Variants in SLCO3A1 observed in about 807,000 individuals in gnomAD.
SLCO3A1 encodes PGE1 transporter.
A neutral mutation model predicts 63.1 loss-of-function variants in SLCO3A1; 27 were observed. The ratio of observed to expected loss-of-function variants is 0.43; its 90% CI spans 0.32 to 0.59. The LOEUF is 0.59. Ranked by LOEUF, SLCO3A1 falls within the 20% of genes least tolerant of loss-of-function variation. The pLI, the probability that SLCO3A1 is intolerant of heterozygous loss-of-function variation, is 0.09. For missense variants in SLCO3A1, 773 were observed against 945.8 expected (o/e 0.82, Z 2.40); for synonymous variants, 473 against 409.9 (o/e 1.15, Z -1.86).
At chr15:92,065,603 T>G (rs1367808312) in intron 2 of SLCO3A1, among the ~76,000 whole-genome samples, 2 of 152,182 alleles carry the variant, frequency 1.3e-5, no homozygotes, top group African/African-American at 2.4e-5. Flanking sequence ...TTGCCATAAC[T>G]GTATGGCCGC....
At chr15:91,979,523 T>A (rs56168257) in intron 2 of SLCO3A1, among the ~76,000 whole-genome samples, 9,097 of 152,274 alleles carry the variant, frequency 0.06, 399 homozygotes, top group Non-Finnish European at 0.091. Flanking sequence ...AGCAGAACCT[T>A]TCTTCTTTCT....
intron 1 of SLCO3A1, among the ~76,000 whole-genome samples, chr15:91,877,065 T>C (rs1897418092): frequency 6.6e-6 from 1 of 152,208 alleles, no homozygotes; most frequent in African/African-American, 2.4e-5. Flanking sequence ...CTGAAGTCAT[T>C]CTCTATTATG....
chr15:92,078,823 T>A (rs1235387056), intron 2 of SLCO3A1, among the ~76,000 whole-genome samples: 2 of 152,188 alleles, frequency 1.3e-5, no homozygotes, highest in African/African-American at 4.8e-5. Context: ...GTGCTAGAAC[T>A]CAGCCCTCAG....
At chr15:91,919,488 C>T (rs771753774) in intron 2 of SLCO3A1, among the ~76,000 whole-genome samples, 10 of 152,222 alleles carry the variant, frequency 6.6e-5, no homozygotes, top group Non-Finnish European at 1.3e-4. Context: ...GACGGTGACC[C>T]GTGGGTGGCA....
chr15:91,950,514 C>T lies in SLCO3A1; in HGVS notation c.646+34056C>T, dbSNP rs1597149580. Reference sequence around the variant, plus strand: ...CGTTGTGCAGTATGGCAGGCGCACCCCACATGGGTGTGTGATCCTTTGTTT... The same window carrying T: ...CGTTGTGCAGTATGGCAGGCGCACCTCACATGGGTGTGTGATCCTTTGTTT... On this transcript the variant is annotated intron_variant, in intron 2 of 9. Transcript: ENST00000318445. The surrounding 1 kb of genome is among the most constrained non-coding windows in gnomAD (Gnocchi z 4.4). Among the ~76,000 whole-genome samples, 2 of 152,236 alleles carry T rather than the reference C, an allele frequency of 1.3e-5. No individual in the cohort carries two copies. The highest frequency in any genetic ancestry group is 1.9e-4 in the East Asian group (1 of 5,200).
intron 2 of SLCO3A1, among the ~76,000 whole-genome samples, chr15:91,946,845 C>T (rs148634657): frequency 1.1e-3 from 175 of 152,304 alleles, no homozygotes; most frequent in African/African-American, 4.0e-3. Flanking sequence ...AAGGGCAGGT[C>T]GGCGTCCTTC....
In SLCO3A1 at chr15:92,017,704, G is replaced by A. The variant is rs2046454743; in HGVS notation, c.647-77177G>A. On this transcript the variant is annotated intron_variant, in intron 2 of 9. Transcript: ENST00000318445. ...GAGAAATTCTGGAATGATTCTTGTG[G>A]AGGATTGGCTCAGGAGTTCACAGGG... Among the ~76,000 whole-genome samples the A allele has an allele frequency of 2.0e-5, 3 of 152,240 alleles. No individual in the cohort carries two copies. In the South Asian group the frequency reaches 6.2e-4, roughly 32 times the overall value.
At chr15:92,129,511 C>T (rs1443971153) in intron 7 of SLCO3A1, among the ~76,000 whole-genome samples, 3 of 152,184 alleles carry the variant, frequency 2.0e-5, no homozygotes, top group African/African-American at 7.2e-5. Flanking sequence ...TTCGGTGCCT[C>T]TTTCTCCTAA....
Position 91,859,159 on chromosome 15 carries a change from T to C in SLCO3A1, c.180+5071T>C, listed in dbSNP as rs997802794. Among the ~76,000 whole-genome samples, 8 of 152,208 alleles carry C rather than the reference T, an allele frequency of 5.3e-5. No homozygotes were observed. The highest frequency in any genetic ancestry group is 3.3e-4 in the Admixed American group (5 of 15,286). On this transcript the variant is annotated intron_variant, in intron 1 of 9. Transcript: ENST00000318445. The surrounding 1 kb of genome is among the most constrained non-coding windows in gnomAD (Gnocchi z 5.1). ...TATTGTATGCCATACTTTTTGAAGG[T>C]GCGAAGGGACATTTCAATGGTAACT...
intron 1 of SLCO3A1, among the ~76,000 whole-genome samples, chr15:91,857,701 G>A (rs1046070988): frequency 4.6e-5 from 7 of 152,134 alleles, no homozygotes; most frequent in African/African-American, 1.4e-4. Flanking sequence ...TAAGCCACTC[G>A]CTGAGGGTAG....
chr15:92,172,403 G>GA (rs1006174589), exon 11 of SLCO3A1: 7 of 152,260 alleles, frequency 4.6e-5, no homozygotes, highest in South Asian at 2.1e-4. Context: ...TACGTTTGCT[G>GA]AAAATTATAT....
chr15:92,034,161 A>G lies in SLCO3A1; in HGVS notation c.647-60720A>G, dbSNP rs149539131. Among the ~76,000 whole-genome samples, 5 of 151,722 alleles carry G rather than the reference A, an allele frequency of 3.3e-5. No individual in the cohort carries two copies. The East Asian group carries it at 9.7e-4, about 29-fold the overall frequency. ...GAGGAGGAAAGTGGGGGCTGTATGC[A>G]GGGATCCAGGAGAGGGATCCTGGAG... On this transcript the variant is annotated intron_variant, in intron 2 of 9. Coordinates refer to ENST00000318445, the MANE Select transcript of SLCO3A1 (RefSeq NM_013272.4).
chr15:92,154,690 G>C (rs1443885006), intron 9 of SLCO3A1, among the ~76,000 whole-genome samples: 2 of 152,058 alleles, frequency 1.3e-5, no homozygotes, highest in Non-Finnish European at 2.9e-5. Context: ...CAAGGAGTTG[G>C]TAGAAAGGGC....
At chr15:92,084,754 G>A (rs910528873) in intron 2 of SLCO3A1, among the ~76,000 whole-genome samples, 3 of 152,186 alleles carry the variant, frequency 2.0e-5, no homozygotes, top group Non-Finnish European at 2.9e-5. Flanking sequence ...GCTGTTCAAC[G>A]CAGGAGCCAT....
intron 9 of SLCO3A1, among the ~76,000 whole-genome samples, chr15:92,152,090 T>A (rs899901769): frequency 6.6e-6 from 1 of 152,240 alleles, no homozygotes; most frequent in Non-Finnish European, 1.5e-5. Context: ...TTGCAATATT[T>A]TTCCATTTTA....
At chr15:92,052,438 A>G (rs1453853692) in intron 2 of SLCO3A1, among the ~76,000 whole-genome samples, 1 of 152,194 alleles carries the variant, frequency 6.6e-6, no homozygotes, top group African/African-American at 2.4e-5. Context: ...TCACCTGGGT[A>G]AGAACTAGAT....
intron 6 of SLCO3A1, among the ~76,000 whole-genome samples, chr15:92,127,010 G>A (rs184635452): frequency 1.1e-3 from 161 of 152,302 alleles, no homozygotes; most frequent in Middle Eastern, 3.4e-3. Context: ...CTGCTCCTGC[G>A]CTTGTGCCGG....
intron 1 of SLCO3A1, among the ~76,000 whole-genome samples, chr15:91,869,605 G>A (rs932738866): frequency 6.6e-6 from 1 of 151,882 alleles, no homozygotes; most frequent in East Asian, 1.9e-4. Context: ...AGACTGAGGT[G>A]GGAGGATCAC....
chr15:92,021,072 T>C (rs2046503204), intron 2 of SLCO3A1, among the ~76,000 whole-genome samples: 1 of 152,036 alleles, frequency 6.6e-6, no homozygotes, highest in Non-Finnish European at 1.5e-5. Flanking sequence ...GTCACACGGG[T>C]TTTCCCAGAC....
Sources: gnomAD v4.1 joint callset for allele counts (sites outside exome capture counted in the v4.1 genomes callset) on GRCh38, gnomAD v4.1.1 for gene constraint, Gnocchi (gnomAD v3.1) non-coding constraint, MANE v1.5 for transcripts, NCBI Gene and HGNC (gene_info 2026-07-23, HGNC 2026-07-21) for gene names.